Variants in PPP2R3C observed in about 807,000 individuals in gnomAD.
The protein encoded by PPP2R3C is protein phosphatase 2 regulatory subunit B''gamma.
In PPP2R3C, 47 loss-of-function variants were observed where a neutral mutation model predicts 63.7. That is an observed-to-expected ratio of 0.74 (90% CI 0.58 to 0.94). The LOEUF (loss-of-function observed/expected upper bound fraction) is 0.94. Ranked by LOEUF, PPP2R3C falls within the 40% of genes least tolerant of loss-of-function variation. The pLI is 0.00. For missense variants in PPP2R3C, 421 were observed against 518.4 expected (o/e 0.81, Z 1.82); for synonymous variants, 180 against 177.4 (o/e 1.01, Z -0.12).
chr14:35,091,313 A>G, intron 10 of PPP2R3C, 106 bp from the exon 11 acceptor site: 1 of 1,087,310 alleles, frequency 9.2e-7, no homozygotes. Flanking sequence ...GGCAAATTTA[A>G]TTTTTTCCCT....
rs762250628 is a variant in PPP2R3C, at chr14:35,121,956, C to A, written c.4G>T (p.Asp2Tyr). ...CGCCGACGAAGAACTTCTTTCCAGT[C>A]CATGGCCGACTTCCGCGCAGCAGCT... MDWKEVLRRRLA... is the reference protein window; with the variant it reads MYWKEVLRRRLA... Residue 2 changes from aspartate (D) to tyrosine (Y), a missense_variant, in exon 1 of 13, where the codon GAC becomes TAC. Physicochemically the swap from Asp to Tyr is radical, Grantham distance 160. This residue lies in a region of PPP2R3C where 143 missense variants were observed against 151.2 expected (regional missense o/e 0.95). Transcript: ENST00000261475. 11 of 1,614,040 alleles carry A rather than the reference C, an allele frequency of 6.8e-6. No individual in the cohort carries two copies. Among genetic ancestry groups the A allele is most frequent in the Admixed American group, 3.3e-5 (2 of 59,994 alleles).
At chr14:35,104,897 A>G (rs8017772) in intron 6 of PPP2R3C, among the ~76,000 whole-genome samples, 11,278 of 151,960 alleles carry the variant, frequency 0.074, 521 homozygotes, top group Middle Eastern at 0.11. Flanking sequence ...ATGCTCAGCT[A>G]ATGTTTTTGT....
At chr14:35,095,588 C>T (rs899636954) in intron 9 of PPP2R3C, among the ~76,000 whole-genome samples, 1 of 151,812 alleles carries the variant, frequency 6.6e-6, no homozygotes, top group African/African-American at 2.4e-5. Context: ...GCCGGTAATC[C>T]CAGCACTTTG....
chr14:35,118,026 T>C (rs2046757314), intron 1 of PPP2R3C, among the ~76,000 whole-genome samples: 1 of 152,140 alleles, frequency 6.6e-6, no homozygotes, highest in Admixed American at 6.6e-5. Flanking sequence ...AGACCAAACC[T>C]ATAAGTTAAT....
chr14:35,093,650 ATTCT>A (rs547180750), intron 10 of PPP2R3C, among the ~76,000 whole-genome samples: 52 of 151,830 alleles, frequency 3.4e-4, no homozygotes, highest in African/African-American at 1.1e-3. Context: ...AATTTATCAG[ATTCT>A]TTTTTTTTTT....
At chr14:35,102,557 C>T (rs1034869263) in intron 6 of PPP2R3C, 2 of 151,994 alleles carry the variant, frequency 1.3e-5, no homozygotes, top group African/African-American at 4.8e-5. Flanking sequence ...TTCTCTTTTT[C>T]TTCATCAATG....
rs1250314915 is a variant in PPP2R3C, at chr14:35,108,186, T to C, written c.455A>G (p.Tyr152Cys). 4.4e-6 allele frequency: 7 copies of C among 1,601,726 alleles called. No individual in the cohort carries two copies. The highest frequency in any genetic ancestry group is 1.2e-5 in the South Asian group (1 of 86,714). Reference protein sequence around the residue: ...VFAKLLHTDSYGRISIMQFFN... With the variant: ...VFAKLLHTDSCGRISIMQFFN... ...GAACTGCATGATGGAAATTCTTCCA[T>C]ATGAATCTGTATGAAGGAGTTTAGC... Residue 152 changes from tyrosine (Y) to cysteine (C), a missense_variant, in exon 5 of 13, where the codon TAT (tyrosine) becomes TGT (cysteine). Tyr to Cys is a radical substitution (Grantham distance 194). Coordinates refer to ENST00000261475, the MANE Select transcript of PPP2R3C (RefSeq NM_017917.4).
At chr14:35,107,638 TATA>T in intron 5 of PPP2R3C, 2 of 437,406 alleles carry the variant, frequency 4.6e-6, no homozygotes, top group South Asian at 3.7e-5. Flanking sequence ...GGACAGCTAG[TATA>T]ATATTATGCC....
chr14:35,115,685 G>T (rs1051838714), intron 2 of PPP2R3C, among the ~76,000 whole-genome samples: 2 of 151,736 alleles, frequency 1.3e-5, no homozygotes, highest in Non-Finnish European at 2.9e-5. Flanking sequence ...GCAGTGGCGC[G>T]ATCTGGGCTC....
chr14:35,089,068 TGAGCC>T (rs1268612840), intron 11 of PPP2R3C, among the ~76,000 whole-genome samples: 2 of 152,198 alleles, frequency 1.3e-5, no homozygotes, highest in African/African-American at 4.8e-5. Flanking sequence ...TTTTCTCAGA[TGAGCC>T]GCTGATATAA....
intron 1 of PPP2R3C, among the ~76,000 whole-genome samples, chr14:35,118,450 A>G (rs988573296): frequency 2.8e-4 from 42 of 152,178 alleles, no homozygotes; most frequent in African/African-American, 1.0e-3. Flanking sequence ...TGTACAACCT[A>G]TATAATTTAC....
rs543693129 is a variant in PPP2R3C, at chr14:35,086,916, A to T, written c.1173+1035T>A. 4.0e-5 allele frequency: 6 copies of T among 148,522 alleles called. 1 individual carries two copies. The East Asian group carries it at 1.2e-3, about 30-fold the overall frequency. The allele number at this position is 148,522 out of a possible 1,614,324, so 9.2% of individuals were successfully genotyped here. A position where few individuals can be genotyped will look rare whatever the true frequency, so the allele number is the denominator to read the frequency against. ...AGGTTCAAGCCATTCTCCTGTCTTG[A>T]CCTCCCAAATAGCTGGGATTACAGC... On this transcript the variant is annotated intron_variant, in intron 12 of 12. Transcript: ENST00000261475.
intron 2 of PPP2R3C, among the ~76,000 whole-genome samples, chr14:35,115,483 G>A (rs1021940505): frequency 2.0e-5 from 3 of 151,680 alleles, no homozygotes; most frequent in African/African-American, 7.3e-5. Flanking sequence ...TTTGAGACAG[G>A]GTCTTTGCTC....
intron 9 of PPP2R3C, 64 bp downstream of exon 9, chr14:35,096,489 ACTGTC>A: frequency 7.1e-7 from 1 of 1,398,704 alleles, no homozygotes. Flanking sequence ...TATGTATAAA[ACTGTC>A]CTCTGAACAC....
In PPP2R3C at chr14:35,117,125, C is replaced by T. The variant is rs186360876; in HGVS notation, c.59-388G>A. On this transcript the variant is annotated intron_variant, in intron 1 of 12. Coordinates refer to ENST00000261475, the MANE Select transcript of PPP2R3C (RefSeq NM_017917.4). ...ACGGAATGAGGGGTGAGCAAGACAG[C>T]CCCAGCCCCTGACCTCATGGAGTTT... The T allele has an allele frequency of 9.0e-5, 41 of 455,940 alleles. No individual in the cohort carries two copies. The East Asian group carries it at 2.6e-3, about 29-fold the overall frequency. The allele number at this position is 455,940 out of a possible 1,614,324, so 28.2% of individuals were successfully genotyped here. A position where few individuals can be genotyped will look rare whatever the true frequency, so the allele number is the denominator to read the frequency against.
At chr14:35,107,271 AGT>A in intron 6 of PPP2R3C, 31 bp downstream of exon 6, 1 of 1,490,146 alleles carries the variant, frequency 6.7e-7, no homozygotes, top group Non-Finnish European at 9.4e-7. Context: ...TGTCTATAAG[AGT>A]TAATATAATA....
chr14:35,099,490 A>G (rs1260769864), intron 6 of PPP2R3C, 106 bp from the exon 7 acceptor site: 2 of 1,278,284 alleles, frequency 1.6e-6, no homozygotes, highest in African/African-American at 1.6e-5. Context: ...TTGATAAAGA[A>G]ATAAATGCAT....
At position 35,110,506 on chromosome 14, in the gene PPP2R3C, C is replaced by A. The variant is rs749055926; in HGVS notation, c.291+19G>T. Reference sequence around the variant, plus strand: ...GAGAAATGGTTAACATCTAAAGCAACTTTTTGCTTTGTTCTTACCTGTAAT... The same window carrying A: ...GAGAAATGGTTAACATCTAAAGCAAATTTTTGCTTTGTTCTTACCTGTAAT... On this transcript the variant is annotated intron_variant, in intron 3 of 12. Coordinates refer to ENST00000261475, the MANE Select transcript of PPP2R3C (RefSeq NM_017917.4). 71 of 1,511,692 alleles carry A rather than the reference C, an allele frequency of 4.7e-5. No individual in the cohort carries two copies. Among genetic ancestry groups the A allele is most frequent in the South Asian group, 9.4e-5 (8 of 85,396 alleles). The allele number at this position is 1,511,692 out of a possible 1,614,324, so 93.6% of individuals were successfully genotyped here.
rs757087691 is a variant in PPP2R3C at position 35,085,732 on chromosome 14, G to T, written c.1220C>A (p.Ser407Tyr). Residue 407 changes from serine (S) to tyrosine (Y), a missense_variant, in exon 13 of 13, where the codon TCT becomes TAT. Ser to Tyr is a moderately radical substitution (Grantham distance 144). This residue lies in a region of PPP2R3C where 231 missense variants were observed against 264.8 expected (regional missense o/e 0.87). Coordinates refer to ENST00000261475, the MANE Select transcript of PPP2R3C (RefSeq NM_017917.4). ...MVKPKDPLKI[S>Y]LQDLINSNQG... ...ATTACTGTTGATTAAATCCTGAAGA[G>T]AGATTTTCAAAGGATCCTTTGGTTT... is the stretch of plus-strand genomic sequence containing the variant. 2 of 1,611,146 alleles carry T rather than the reference G, an allele frequency of 1.2e-6. No homozygotes were observed. The highest frequency in any genetic ancestry group is 1.7e-6 in the Non-Finnish European group (2 of 1,178,364).
Sources: allele counts gnomAD v4.1 joint callset (sites outside exome capture counted in the v4.1 genomes callset), GRCh38; gene constraint gnomAD v4.1.1; regional missense constraint gnomAD v4.1.1; transcripts MANE v1.5; gene names NCBI Gene and HGNC (gene_info 2026-07-23, HGNC 2026-07-21).